Variants in XYLT1 observed in about 807,000 individuals in gnomAD.
XYLT1 encodes the protein xylosyltransferase 1, also known as beta-D-xylosyltransferase 1.
A neutral mutation model predicts 91.3 loss-of-function variants in XYLT1; 36 were observed. The ratio of observed to expected loss-of-function variants is 0.39; its 90% CI spans 0.30 to 0.52. The LOEUF is 0.52. Among genes scored for constraint, XYLT1 ranks in the 20% least tolerant of loss-of-function variants. The pLI is 0.68. For synonymous variants in XYLT1, 588 were observed against 532.0 expected (o/e 1.11, Z -1.45); for missense variants, 1,242 against 1,284.5 (o/e 0.97, Z 0.51).
At position 17,103,078 on chromosome 16, in the gene XYLT1, A is replaced by G. The variant is rs1966728268; in HGVS notation, c.*5617T>C. The G allele has an allele frequency of 3.3e-5, 5 of 152,686 alleles. No homozygotes were observed. Among genetic ancestry groups the G allele is most frequent in the Admixed American group, 3.3e-4 (5 of 15,284 alleles). The allele number at this position is 152,686 out of a possible 1,614,324, so 9.5% of individuals were successfully genotyped here. Reference sequence around the variant, plus strand: ...CTGGAGCAATGGAAGGGTAAAGAATAGAGTCTGAAGGTAGGGAAAGGGTGA... The same window carrying G: ...CTGGAGCAATGGAAGGGTAAAGAATGGAGTCTGAAGGTAGGGAAAGGGTGA... On this transcript the variant is annotated 3_prime_UTR_variant, in exon 12 of 12. Coordinates refer to ENST00000261381, the MANE Select transcript of XYLT1 (RefSeq NM_022166.4).
intron 2 of XYLT1, among the ~76,000 whole-genome samples, chr16:17,293,843 G>C (rs866917685): frequency 1.3e-5 from 2 of 152,134 alleles, no homozygotes; most frequent in South Asian, 2.1e-4. Context: ...GTTCAGAAAG[G>C]TCATTGCCCA....
intron 3 of XYLT1, among the ~76,000 whole-genome samples, chr16:17,215,212 C>G (rs2032833158): frequency 6.6e-6 from 1 of 152,122 alleles, no homozygotes; most frequent in African/African-American, 2.4e-5. Flanking sequence ...AAAAATTAGC[C>G]AGGCATGGTG....
At chr16:17,368,046 T>C (rs142712685) in intron 1 of XYLT1, among the ~76,000 whole-genome samples, 2 of 152,332 alleles carry the variant, frequency 1.3e-5, no homozygotes, top group African/African-American at 4.8e-5. Context: ...AGGACATCTA[T>C]TGTCGAAGAT....
At chr16:17,231,587 T>C (rs1388707638) in intron 3 of XYLT1, among the ~76,000 whole-genome samples, 1 of 152,162 alleles carries the variant, frequency 6.6e-6, no homozygotes, top group Non-Finnish European at 1.5e-5. Flanking sequence ...GCTGTGAGAC[T>C]ATCACAGAGC....
chr16:17,125,388 T>C (rs1345680436), intron 10 of XYLT1, among the ~76,000 whole-genome samples: 2 of 152,168 alleles, frequency 1.3e-5, no homozygotes, highest in African/African-American at 4.8e-5. Context: ...GCATTTAAAA[T>C]GCAACCTGAA....
intron 6 of XYLT1, among the ~76,000 whole-genome samples, chr16:17,156,944 CT>C (rs71137977): frequency 0.023 from 3,362 of 147,386 alleles, 55 homozygotes; most frequent in South Asian, 0.065. Context: ...TCTAGGGTTA[CT>C]TTTTTTTTTT....
intron 2 of XYLT1, among the ~76,000 whole-genome samples, chr16:17,332,876 C>T (rs1028165730): frequency 6.6e-6 from 1 of 152,066 alleles, no homozygotes; most frequent in Non-Finnish European, 1.5e-5. Context: ...ATTCTGCAAC[C>T]TCCGCCTTTC....
chr16:17,108,455 A>T lies in XYLT1; in HGVS notation c.*240T>A, dbSNP rs1966808319. 1 of 426,344 alleles carries T rather than the reference A, an allele frequency of 2.3e-6. No individual in the cohort carries two copies. Among genetic ancestry groups the T allele is most frequent in the South Asian group, 7.4e-5 (1 of 13,426 alleles). The allele number at this position is 426,344 out of a possible 1,614,324, so 26.4% of individuals were successfully genotyped here. A position where few individuals can be genotyped will look rare whatever the true frequency, so the allele number is the denominator to read the frequency against. ...AACCTGTAGGACTTGAGGATCAACC[A>T]GAAGAGGTGAGACAGTCACAGTGCA... On this transcript the variant is annotated 3_prime_UTR_variant, in exon 12 of 12. Transcript: ENST00000261381.
intron 2 of XYLT1, among the ~76,000 whole-genome samples, chr16:17,287,356 C>T (rs1240996365): frequency 1.3e-5 from 2 of 152,122 alleles, no homozygotes; most frequent in Non-Finnish European, 2.9e-5. Flanking sequence ...AGACGGATCC[C>T]TCTAGATCAT....
In XYLT1 at chr16:17,141,354, C is replaced by T; in HGVS notation, c.1386G>A (p.Gln462=). 1 of 1,614,090 alleles carries T rather than the reference C, an allele frequency of 6.2e-7. No individual in the cohort carries two copies. The highest frequency in any genetic ancestry group is 1.3e-5 in the African/African-American group (1 of 75,058). The part of the protein sequence containing the change: ...GRDNARFIRK[Q]GLDRLFLECD... ...ACTCCAGGAAGAGCCGATCCAGGCC[C>T]TGCTTCCGAATGAACCTGGGAGGGA... The change falls in exon 7 of 12, where the codon CAG becomes CAA. Residue 462 remains glutamine (Q), a synonymous_variant. Coordinates refer to ENST00000261381, the MANE Select transcript of XYLT1 (RefSeq NM_022166.4).
intron 1 of XYLT1, among the ~76,000 whole-genome samples, chr16:17,455,619 T>C (rs2036730570): frequency 7.7e-6 from 1 of 129,528 alleles, no homozygotes; most frequent in Non-Finnish European, 1.6e-5. Flanking sequence ...AATAAATAAA[T>C]AAATAAAAGG....
intron 11 of XYLT1, 32 bp from the exon 12 acceptor site, chr16:17,109,049 G>T: frequency 1.3e-6 from 2 of 1,488,888 alleles, no homozygotes; most frequent in Non-Finnish European, 1.8e-6. Flanking sequence ...TTCAGGATCA[G>T]AAGAGCCACC....
At chr16:17,458,702 G>T (rs1234465117) in intron 1 of XYLT1, among the ~76,000 whole-genome samples, 1 of 152,042 alleles carries the variant, frequency 6.6e-6, no homozygotes, top group Non-Finnish European at 1.5e-5. Context: ...AACCAACCAA[G>T]CTGCAATCAG....
intron 1 of XYLT1, among the ~76,000 whole-genome samples, chr16:17,443,305 C>G (rs2036553368): frequency 6.6e-6 from 1 of 152,008 alleles, no homozygotes; most frequent in Non-Finnish European, 1.5e-5. Context: ...TATGGTTTGG[C>G]TCTGTGTCCC....
intron 2 of XYLT1, among the ~76,000 whole-genome samples, chr16:17,300,021 C>T (rs2034370598): frequency 6.6e-6 from 1 of 151,704 alleles, no homozygotes; most frequent in African/African-American, 2.4e-5. Context: ...AGGGAAATAC[C>T]AGATGACAAG....
intron 5 of XYLT1, among the ~76,000 whole-genome samples, chr16:17,187,393 CAA>C (rs71137979): frequency 1.1e-4 from 6 of 55,302 alleles, no homozygotes; most frequent in Admixed American, 2.7e-4. Flanking sequence ...GACTCAGTTT[CAA>C]AAAAAAAAAA....
At chr16:17,161,368 A>T (rs964039929) in intron 5 of XYLT1, among the ~76,000 whole-genome samples, 2 of 152,162 alleles carry the variant, frequency 1.3e-5, no homozygotes, top group African/African-American at 4.8e-5. Flanking sequence ...TTTCAAAGCC[A>T]AGCGCTGTGT....
intron 5 of XYLT1, among the ~76,000 whole-genome samples, chr16:17,196,719 C>A (rs1356537474): frequency 6.6e-6 from 1 of 152,126 alleles, no homozygotes; most frequent in Non-Finnish European, 1.5e-5. Flanking sequence ...TTCCTTTTCA[C>A]CCTTGTCAGC....
intron 2 of XYLT1, among the ~76,000 whole-genome samples, chr16:17,296,979 G>C (rs1247786477): frequency 6.6e-6 from 1 of 152,204 alleles, no homozygotes; most frequent in Non-Finnish European, 1.5e-5. Context: ...TTTGGTAGAA[G>C]AGTGGAAATG....
Sources: gnomAD v4.1 joint callset for allele counts (sites outside exome capture counted in the v4.1 genomes callset) on GRCh38, gnomAD v4.1.1 for gene constraint, MANE v1.5 for transcripts, NCBI Gene and HGNC (gene_info 2026-07-23, HGNC 2026-07-21) for gene names.